Variants in ZIM2 observed in about 807,000 individuals in gnomAD.
ZIM2 encodes zinc finger protein 656.
Under a neutral mutation model 38.6 loss-of-function variants are expected in ZIM2, and 14 were observed. The ratio of observed to expected loss-of-function variants is 0.36; its 90% confidence interval spans 0.24 to 0.57. The LOEUF (loss-of-function observed/expected upper bound fraction) is 0.57. Among genes scored for constraint, ZIM2 ranks in the 20% least tolerant of loss-of-function variants. The probability of loss-of-function intolerance (pLI) is 0.81; values close to 1 mark genes in which losing one functional copy is unlikely to be tolerated. For missense variants in ZIM2, 680 were observed against 695.1 expected, an observed-to-expected ratio of 0.98 and a Z score of 0.24; for synonymous variants, 247 against 245.8, an observed-to-expected ratio of 1.00 and a Z score of -0.04.
At chr19:56,816,034 G>A in intron 9 of ZIM2, 3 of 1,595,180 alleles carry the variant, frequency 1.9e-6, no homozygotes, top group East Asian at 2.2e-5. Context: ...GGTAGACTCT[G>A]CCATTACTTT....
intron 2 of ZIM2, chr19:56,833,330 G>A: frequency 2.6e-6 from 1 of 381,170 alleles, no homozygotes; most frequent in Non-Finnish European, 5.2e-6. Flanking sequence ...TTAAAGTCAG[G>A]AACCGAGGAG....
chr19:56,810,773 G>A (rs1373315749), intron 9 of ZIM2: 30 of 980,848 alleles, frequency 3.1e-5, no homozygotes, highest in Non-Finnish European at 3.6e-5. Flanking sequence ...CAAGATAGAG[G>A]AAACAGATCA....
intron 12 of ZIM2, among the ~76,000 whole-genome samples, chr19:56,776,312 T>C (rs1352600262): frequency 6.6e-6 from 1 of 152,056 alleles, no homozygotes; most frequent in East Asian, 1.9e-4. Context: ...GAAAAACAAA[T>C]AGCTGTTACC....
At chr19:56,839,874 T>C (rs2062773896) in intron 1 of ZIM2, among the ~76,000 whole-genome samples, 1 of 152,214 alleles carries the variant, frequency 6.6e-6, no homozygotes, top group Non-Finnish European at 1.5e-5. Context: ...ACTTGAGCCT[T>C]GCCCCGCCCC....
intron 9 of ZIM2, chr19:56,816,374 C>T (rs1460131938): frequency 1.9e-6 from 3 of 1,614,102 alleles, no homozygotes; most frequent in Admixed American, 1.7e-5. Context: ...GCATCCCGGC[C>T]ATCTGTAAAG....
rs757997031 is a variant in ZIM2, at chr19:56,824,663, A to G, written c.-150-236T>C. 3.8e-6 allele frequency: 6 copies of G among 1,585,770 alleles called. No homozygotes were observed. In the East Asian group the frequency reaches 1.4e-4, roughly 36 times the overall value. ...GTGCTTTGGAGGCAGCATTTCTCTA[A>G]GTAAAATTTTCACTGGAGGAACCAA... On this transcript the variant is annotated intron_variant, in intron 3 of 12. Transcript: ENST00000629319.
intron 9 of ZIM2, chr19:56,817,255 A>G (rs1488233719): frequency 1.9e-6 from 3 of 1,614,074 alleles, no homozygotes; most frequent in Non-Finnish European, 2.5e-6. Flanking sequence ...ATCTGTGTCA[A>G]AATGATAGCG....
At chr19:56,819,113 G>A (rs940219480) in intron 7 of ZIM2, among the ~76,000 whole-genome samples, 52 of 152,154 alleles carry the variant, frequency 3.4e-4, no homozygotes, top group African/African-American at 1.3e-3. Flanking sequence ...TGGTAAGTGA[G>A]ATTATGACAC....
intron 1 of ZIM2, among the ~76,000 whole-genome samples, 187 bp downstream of exon 1, chr19:56,840,395 T>C (rs932439240): frequency 1.3e-5 from 2 of 152,146 alleles, no homozygotes; most frequent in African/African-American, 4.8e-5. Context: ...TGGCCGCCAC[T>C]GTGCCCACTC....
At position 56,824,439 on chromosome 19, in the gene ZIM2, C is replaced by A; in HGVS notation, c.-150-12G>T. The stretch of plus-strand genomic sequence containing the variant: ...GTGCGGGTCTCCGGCTGCAACCAAT[C>A]GAGGCAGAGGTTTCGGAGTTTGATC... On this transcript the variant is annotated splice_polypyrimidine_tract_variant and intron_variant, in intron 3 of 12. Transcript: ENST00000629319. 7 of 1,614,072 alleles carry A rather than the reference C, an allele frequency of 4.3e-6. No individual in the cohort carries two copies. Among genetic ancestry groups the A allele is most frequent in the Non-Finnish European group, 5.1e-6 (6 of 1,180,020 alleles).
chr19:56,839,891 C>G (rs1219040960), intron 1 of ZIM2, among the ~76,000 whole-genome samples: 1 of 152,372 alleles, frequency 6.6e-6, no homozygotes, highest in South Asian at 2.1e-4. Flanking sequence ...CCCCATCTGC[C>G]GCCAACCAAC....
intron 10 of ZIM2, among the ~76,000 whole-genome samples, chr19:56,783,315 A>G (rs2046422780): frequency 2.6e-5 from 4 of 152,214 alleles, no homozygotes; most frequent in Admixed American, 2.6e-4. Context: ...CCATATACCC[A>G]AAGGAAAATA....
intron 1 of ZIM2, among the ~76,000 whole-genome samples, chr19:56,837,113 G>C (rs779842664): frequency 8.5e-5 from 13 of 152,088 alleles, no homozygotes; most frequent in Non-Finnish European, 1.6e-4. Flanking sequence ...AGGTAAGTGA[G>C]CTCTAGGACT....
intron 2 of ZIM2, 36 bp downstream of exon 2, chr19:56,835,982 A>C (rs768663846): frequency 2.0e-6 from 1 of 504,156 alleles, no homozygotes; most frequent in South Asian, 1.5e-5. Context: ...CACTCCAAAG[A>C]TGAATGTGGC....
chr19:56,816,891 A>C (rs946087629), intron 9 of ZIM2: 21 of 1,613,944 alleles, frequency 1.3e-5, no homozygotes, highest in Non-Finnish European at 1.8e-5. Context: ...CCAAGGCGGC[A>C]CTCTTATTGA....
intron 1 of ZIM2, among the ~76,000 whole-genome samples, chr19:56,836,864 AG>A (rs2062169245): frequency 6.6e-6 from 1 of 150,836 alleles, no homozygotes; most frequent in African/African-American, 2.4e-5. Flanking sequence ...GCTACTCTGA[AG>A]AGGCTGGGGT....
At chr19:56,809,278 A>C (rs773531471) in intron 9 of ZIM2, among the ~76,000 whole-genome samples, 1 of 152,228 alleles carries the variant, frequency 6.6e-6, no homozygotes, top group Non-Finnish European at 1.5e-5. Context: ...AACATGAAAG[A>C]ATGCAGGACT....
intron 10 of ZIM2, among the ~76,000 whole-genome samples, chr19:56,785,840 G>C (rs886541895): frequency 3.3e-5 from 5 of 152,186 alleles, no homozygotes; most frequent in African/African-American, 9.6e-5. Flanking sequence ...GGCCACAGAT[G>C]CTGTATGTCT....
At chr19:56,837,270 T>A (rs2062251982) in intron 1 of ZIM2, among the ~76,000 whole-genome samples, 1 of 151,972 alleles carries the variant, frequency 6.6e-6, no homozygotes, top group Non-Finnish European at 1.5e-5. Flanking sequence ...CACCCCCACC[T>A]GCCCAGGGCA....
Sources: gnomAD v4.1 joint callset for allele counts (sites outside exome capture counted in the v4.1 genomes callset) on GRCh38, gnomAD v4.1.1 for gene constraint, MANE v1.5 for transcripts, NCBI Gene and HGNC (gene_info 2026-07-23, HGNC 2026-07-21) for gene names.